The following IRS1 variants were observed in gnomAD, a reference collection of about 807,000 sequenced individuals.
The protein encoded by IRS1 is insulin receptor substrate 1.
In IRS1, 34 loss-of-function variants were observed where a neutral mutation model predicts 65.6. The ratio of observed to expected loss-of-function variants is 0.52; its 90% CI spans 0.39 to 0.69. The LOEUF (loss-of-function observed/expected upper bound fraction) is 0.69, where lower values mean the gene tolerates loss of function less well. Ranked by LOEUF, IRS1 falls within the 30% of genes least tolerant of loss-of-function variation. The pLI, the probability that IRS1 is intolerant of heterozygous loss-of-function variation, is 0.00. For synonymous variants in IRS1, 699 were observed against 683.5 expected, an observed-to-expected ratio of 1.02 and a Z score of -0.35; for missense variants, 1,641 against 1,720.2, an observed-to-expected ratio of 0.95 and a Z score of 0.81.
chr2:226,744,527 G>A (rs187451443), intron 1 of IRS1, among the ~76,000 whole-genome samples: 1 of 152,298 alleles, frequency 6.6e-6, no homozygotes, highest in East Asian at 1.9e-4. Flanking sequence ...GAGATCCATG[G>A]CCTGTTAGGA....
chr2:226,756,487 AC>A (rs780834674), intron 1 of IRS1, among the ~76,000 whole-genome samples: 1 of 152,246 alleles, frequency 6.6e-6, no homozygotes, highest in African/African-American at 2.4e-5. Context: ...AAGAAAAAAA[AC>A]AAACTAACAT....
chr2:226,765,584 G>A (rs1412872266), intron 1 of IRS1, among the ~76,000 whole-genome samples: 1 of 152,118 alleles, frequency 6.6e-6, no homozygotes, highest in African/African-American at 2.4e-5. Flanking sequence ...GACTTTCCTA[G>A]GCTCACAGGA....
At chr2:226,789,159 C>G (rs1939544079) in intron 1 of IRS1, among the ~76,000 whole-genome samples, 1 of 152,180 alleles carries the variant, frequency 6.6e-6, no homozygotes, top group African/African-American at 2.4e-5. Context: ...ACCAACCCAT[C>G]AAAATAAAAG....
At chr2:226,739,423 T>C (rs1490061168) in intron 1 of IRS1, among the ~76,000 whole-genome samples, 1 of 152,210 alleles carries the variant, frequency 6.6e-6, no homozygotes, top group African/African-American at 2.4e-5. Context: ...ATTTTTGGAA[T>C]GCCTGCTCAG....
chr2:226,788,674 A>G (rs560793150), intron 1 of IRS1, among the ~76,000 whole-genome samples: 6 of 152,310 alleles, frequency 3.9e-5, no homozygotes, highest in East Asian at 1.9e-4. Context: ...AAGCAAATAG[A>G]TGATACTTAC....
At chr2:226,783,681 C>T (rs1053184434) in intron 1 of IRS1, among the ~76,000 whole-genome samples, 2 of 152,170 alleles carry the variant, frequency 1.3e-5, no homozygotes, top group African/African-American at 4.8e-5. Context: ...AGTTGATAAA[C>T]ATTTACTAAT....
At chr2:226,783,126 C>CTCAATAG (rs1939419331) in intron 1 of IRS1, among the ~76,000 whole-genome samples, 2 of 152,160 alleles carry the variant, frequency 1.3e-5, no homozygotes, top group African/African-American at 2.4e-5. Context: ...TACTAGAAAC[C>CTCAATAG]TCAATAGTCA....
At chr2:226,750,337 G>A (rs776326685) in intron 1 of IRS1, among the ~76,000 whole-genome samples, 2 of 151,484 alleles carry the variant, frequency 1.3e-5, no homozygotes, top group Admixed American at 1.3e-4. Context: ...GAGACTAAGC[G>A]TTCTCCTCAC....
intron 1 of IRS1, among the ~76,000 whole-genome samples, chr2:226,777,832 T>G (rs749765879): frequency 1.2e-4 from 18 of 152,196 alleles, no homozygotes; most frequent in Non-Finnish European, 2.5e-4. Flanking sequence ...TTAAACCTCT[T>G]TCTTATGTAA....
chr2:226,795,263 G>A lies in IRS1; in HGVS notation c.3476C>T (p.Ala1159Val), dbSNP rs1310675277. 1.9e-6 allele frequency: 3 copies of A among 1,613,712 alleles called. No homozygotes were observed. The highest frequency in any genetic ancestry group is 3.3e-5 in the Admixed American group (2 of 59,998). Residue 1159 changes from alanine (A) to valine (V), a missense_variant, in exon 1 of 2, where the codon GCC (alanine) becomes GTC (valine). Coordinates refer to ENST00000305123, the MANE Select transcript of IRS1 (RefSeq NM_005544.3). ...VWLRPGELGG[A>V]PKEPAKLCGA... ...ACACAGTTTGGCTGGCTCCTTGGGGGCTCCCCCAAGCTCCCCAGGCCTCAG... is the reference window on the plus strand; with the variant it reads ...ACACAGTTTGGCTGGCTCCTTGGGGACTCCCCCAAGCTCCCCAGGCCTCAG...
chr2:226,739,499 A>AGG (rs1420426458), intron 1 of IRS1, among the ~76,000 whole-genome samples: 30 of 152,200 alleles, frequency 2.0e-4, no homozygotes, highest in Non-Finnish European at 4.0e-4. Context: ...GACACGTTTG[A>AGG]TCTTTGGAGA....
chr2:226,797,713 C>T lies in IRS1; in HGVS notation c.1026G>A (p.Val342=). ...GEGTMSRPAS[V]DGSPVSPSTN... is the part of the protein sequence containing the mutation. ...TGCTGGGACTCACAGGGCTGCCGTC[C>T]ACCGAGGCTGGGCGGGACATGGTGC... Residue 342 remains valine (V), a synonymous_variant, in exon 1 of 2, where the codon GTG becomes GTA. Transcript: ENST00000305123. This position sits in a 1 kb window ranked among gnomAD's most constrained non-coding sequence, Gnocchi z 8.1. 6.3e-7 allele frequency: 1 copy of T among 1,597,950 alleles called. No homozygotes were observed. The highest frequency in any genetic ancestry group is 1.1e-5 in the South Asian group (1 of 90,766).
chr2:226,737,952 G>A (rs1938362131), intron 1 of IRS1, among the ~76,000 whole-genome samples: 1 of 152,218 alleles, frequency 6.6e-6, no homozygotes, highest in Non-Finnish European at 1.5e-5. Flanking sequence ...CCTACAGGGT[G>A]AGATGGTAGC....
At chr2:226,775,211 G>T (rs1405105377) in intron 1 of IRS1, among the ~76,000 whole-genome samples, 1 of 152,230 alleles carries the variant, frequency 6.6e-6, no homozygotes, top group African/African-American at 2.4e-5. Context: ...ATAAGGTGCT[G>T]ACCGAAGTAA....
At chr2:226,775,123 G>A (rs1163487943) in intron 1 of IRS1, among the ~76,000 whole-genome samples, 1 of 152,190 alleles carries the variant, frequency 6.6e-6, no homozygotes, top group African/African-American at 2.4e-5. Context: ...CTGATCCCAG[G>A]ATGGAATGCA....
At chr2:226,763,452 A>C (rs1383597111) in intron 1 of IRS1, among the ~76,000 whole-genome samples, 2 of 152,328 alleles carry the variant, frequency 1.3e-5, no homozygotes, top group East Asian at 3.9e-4. Flanking sequence ...GCCACATCTC[A>C]GATCCTGGTG....
chr2:226,796,386 G>T lies in IRS1; in HGVS notation c.2353C>A (p.Arg785=), dbSNP rs185017245. ...GTGGAAAGGCGGAGGTGCTGATGCCGGGCACCCTCCTCCGGCTCCCCGGGG... is the reference window on the plus strand; with the variant it reads ...GTGGAAAGGCGGAGGTGCTGATGCCTGGCACCCTCCTCCGGCTCCCCGGGG... The part of the protein sequence containing the change: ...QRPGEPEEGA[R]HQHLRLSTSS... The change falls in exon 1 of 2, where the codon CGG becomes AGG. Residue 785 remains arginine, a synonymous_variant. Transcript: ENST00000305123. 1 of 1,613,192 alleles carries T rather than the reference G, an allele frequency of 6.2e-7. No individual in the cohort carries two copies.
chr2:226,758,294 A>C (rs1249660254), intron 1 of IRS1, among the ~76,000 whole-genome samples: 1 of 152,194 alleles, frequency 6.6e-6, no homozygotes, highest in African/African-American at 2.4e-5. Flanking sequence ...CAAAAATAAT[A>C]TTTTAAATTT....
rs750480850 is a variant in IRS1 at position 226,797,049 on chromosome 2, T to G, written c.1690A>C (p.Ser564Arg). The change falls in exon 1 of 2, where the codon AGT (serine) becomes CGT (arginine). Residue 564 changes from serine (S) to arginine (R), a missense_variant. Transcript: ENST00000305123. This position sits in a 1 kb window ranked among gnomAD's most constrained non-coding sequence, Gnocchi z 8.1. ...MMPAYPPGGG[S>R]GGRLPGHRHS... ...CTGTGTCCCGGCAGTCGGCCTCCACTGCCACCTCCTGGTGGGTAGGCAGGC... is the reference window on the plus strand; with the variant it reads ...CTGTGTCCCGGCAGTCGGCCTCCACGGCCACCTCCTGGTGGGTAGGCAGGC... The G allele has an allele frequency of 5.0e-6, 8 of 1,609,888 alleles. No individual in the cohort carries two copies. Among genetic ancestry groups the G allele is most frequent in the Non-Finnish European group, 5.9e-6 (7 of 1,177,308 alleles).
Sources: gnomAD v4.1 joint callset for allele counts (sites outside exome capture counted in the v4.1 genomes callset) on GRCh38, gnomAD v4.1.1 for gene constraint, Gnocchi (gnomAD v3.1) non-coding constraint, MANE v1.5 for transcripts, NCBI Gene and HGNC (gene_info 2026-07-23, HGNC 2026-07-21) for gene names.